The following GSR variants were observed in gnomAD, a reference collection of about 807,000 sequenced individuals.
GSR encodes the protein glutathione-disulfide reductase.
A neutral mutation model predicts 56.5 loss-of-function variants in GSR; 48 were observed. The ratio of observed to expected loss-of-function variants is 0.85; its 90% CI spans 0.67 to 1.08. The LOEUF is 1.08. Among genes scored for constraint, GSR ranks in the 50% least tolerant of loss-of-function variants. The pLI is 0.00. For missense variants in GSR, 694 were observed against 703.3 expected, an observed-to-expected ratio of 0.99 and a Z score of 0.15; for synonymous variants, 264 against 270.8, an observed-to-expected ratio of 0.97 and a Z score of 0.25.
intron 6 of GSR, among the ~76,000 whole-genome samples, chr8:30,698,864 T>TCC (rs8190982): frequency 0.35 from 52,454 of 152,026 alleles, 9,401 homozygotes; most frequent in East Asian, 0.43. Flanking sequence ...ATTGGGTCCC[T>TCC]CCACCTGTTT....
intron 9 of GSR, among the ~76,000 whole-genome samples, chr8:30,688,706 C>T (rs1268703960): frequency 6.6e-6 from 1 of 151,210 alleles, no homozygotes; most frequent in East Asian, 1.9e-4. Flanking sequence ...GGGCGAATCG[C>T]TTGAGCCGAG....
At chr8:30,726,582 G>A (rs572091817) in intron 1 of GSR, among the ~76,000 whole-genome samples, 1 of 152,164 alleles carries the variant, frequency 6.6e-6, no homozygotes, top group Middle Eastern at 3.4e-3. Context: ...AACATAGCGA[G>A]ACCCCCATCT....
chr8:30,681,943 C>T lies in GSR; in HGVS notation c.1272G>A (p.Val424=). The change falls in exon 11 of 13, where the codon GTG becomes GTA. Residue 424 remains valine (V), a synonymous_variant. Coordinates refer to ENST00000221130, the MANE Select transcript of GSR (RefSeq NM_000637.5). ...VVFSHPPIGT[V]GLTEDEAIHK... ...TTAAATACCTACCTTCCGTGAGTCC[C>T]ACTGTCCCAATAGGGGGGTGGCTGA... The T allele has an allele frequency of 6.2e-7, 1 of 1,613,860 alleles. No homozygotes were observed. Among genetic ancestry groups the T allele is most frequent in the Non-Finnish European group, 8.5e-7 (1 of 1,179,760 alleles).
intron 8 of GSR, among the ~76,000 whole-genome samples, chr8:30,691,547 GGT>G (rs1172007829): frequency 6.6e-6 from 1 of 151,234 alleles, no homozygotes; most frequent in Non-Finnish European, 1.5e-5. Context: ...CAGGCATGGT[GGT>G]GCGTGACTGT....
chr8:30,701,733 C>T (rs376534189), intron 5 of GSR, among the ~76,000 whole-genome samples: 15 of 142,140 alleles, frequency 1.1e-4, no homozygotes, highest in African/African-American at 4.0e-4. Flanking sequence ...GCAGAGGTTC[C>T]AGTGAGTGGA....
Position 30,684,181 on chromosome 8 carries a change from T to C in GSR, c.1060A>G (p.Lys354Glu), listed in dbSNP as rs1327650371. The C allele has an allele frequency of 3.7e-6, 6 of 1,600,884 alleles. No individual in the cohort carries two copies. The East Asian group carries it at 1.3e-4, about 36-fold the overall frequency. ...LNKLGIQTDD[K>E]GHIIVDEFQN... ...AATTCGTCTACGATGATATGACCCT[T>C]GTCATCGGTTTGAATCCCCTAAAAT... Residue 354 changes from lysine (K) to glutamate (E), a missense_variant, in exon 10 of 13, where the codon AAG (lysine) becomes GAG (glutamate). Lys to Glu is a moderately conservative substitution (Grantham distance 56, BLOSUM62 1). Transcript: ENST00000221130.
intron 1 of GSR, among the ~76,000 whole-genome samples, chr8:30,722,078 C>T (rs1174314347): frequency 6.6e-6 from 1 of 151,900 alleles, no homozygotes; most frequent in Non-Finnish European, 1.5e-5. Flanking sequence ...AAATAGACAC[C>T]CTGAAGGATT....
rs1015577124 is a variant in GSR, at chr8:30,724,536, C to A, written c.306+2994G>T. Among the ~76,000 whole-genome samples, 18 of 143,336 alleles carry A rather than the reference C, an allele frequency of 1.3e-4. No homozygotes were observed. In the Admixed American group the frequency reaches 1.3e-3, roughly 10 times the overall value. 94.0% of individuals were successfully genotyped at this position (143,336 alleles called of 152,430 possible). On this transcript the variant is annotated intron_variant, in intron 1 of 12. Coordinates refer to ENST00000221130, the MANE Select transcript of GSR (RefSeq NM_000637.5). ...CCGAATGTCAAAGAATACTACCCAA[C>A]CCCCCACCTTTTTTTTTTTTTTTTT...
chr8:30,695,866 C>G (rs1803527241), intron 7 of GSR, among the ~76,000 whole-genome samples: 1 of 151,738 alleles, frequency 6.6e-6, no homozygotes, highest in African/African-American at 2.4e-5. Flanking sequence ...ATGGTGAAAC[C>G]CCATCTCTAC....
intron 7 of GSR, among the ~76,000 whole-genome samples, chr8:30,693,940 T>C (rs771964990): frequency 8.5e-5 from 13 of 152,188 alleles, no homozygotes; most frequent in Admixed American, 3.3e-4. Context: ...CTCTGCAAAG[T>C]AGCCAATTTT....
At chr8:30,719,014 C>T (rs1037490184) in intron 1 of GSR, among the ~76,000 whole-genome samples, 3 of 151,940 alleles carry the variant, frequency 2.0e-5, no homozygotes. Flanking sequence ...ATCACAACCT[C>T]TGCCTCCTGA....
At position 30,679,623 on chromosome 8, in the gene GSR, TGC is replaced by T. The variant is rs1340483083; in HGVS notation, c.1464_1465del (p.Gln489GlyfsTer16). On this transcript the variant is annotated frameshift_variant, in exon 13 of 13. Transcript: ENST00000221130. LOFTEE classifies it high-confidence loss of function. ...CATCTTCACTGCAACAGCAAAACCCTGCAGCATTTCATCACACCCAAGTCCCT... is the reference window on the plus strand; with the variant it reads ...CATCTTCACTGCAACAGCAAAACCCTAGCATTTCATCACACCCAAGTCCCT... The T allele has an allele frequency of 3.1e-6, 5 of 1,613,790 alleles. No individual in the cohort carries two copies. The highest frequency in any genetic ancestry group is 4.2e-6 in the Non-Finnish European group (5 of 1,179,890).
At chr8:30,692,495 CTTTTTTTTTTTT>C (rs71206280) in intron 8 of GSR, among the ~76,000 whole-genome samples, 1 of 59,062 alleles carries the variant, frequency 1.7e-5, no homozygotes, top group Non-Finnish European at 2.8e-5. Context: ...CACACCCAGA[CTTTTTTTTTTTT>C]TTTTTTTTTT....
At chr8:30,689,370 G>A (rs780327372) in intron 8 of GSR, 51 bp from the exon 9 acceptor site, 3 of 1,480,958 alleles carry the variant, frequency 2.0e-6, no homozygotes, top group South Asian at 2.3e-5. Context: ...AGGGAGGACA[G>A]GGGAAGAAGG....
At chr8:30,710,053 C>T (rs1236082774) in intron 2 of GSR, 151 bp from the exon 3 acceptor site, 4 of 640,150 alleles carry the variant, frequency 6.2e-6, no homozygotes, top group East Asian at 5.4e-5. Flanking sequence ...CGGCAGCTCA[C>T]GTCTGTAATC....
chr8:30,698,562 C>T (rs1256575780), intron 6 of GSR, among the ~76,000 whole-genome samples: 2 of 152,174 alleles, frequency 1.3e-5, no homozygotes, highest in African/African-American at 4.8e-5. Flanking sequence ...CCTGCCTGGT[C>T]TGAGGTATCT....
At chr8:30,690,238 C>T (rs1388562389) in intron 8 of GSR, among the ~76,000 whole-genome samples, 1 of 150,948 alleles carries the variant, frequency 6.6e-6, no homozygotes, top group Admixed American at 6.7e-5. Flanking sequence ...AGTGCAGTGG[C>T]AAGATCAGCC....
chr8:30,683,459 G>C (rs1447478899), intron 10 of GSR, among the ~76,000 whole-genome samples: 1 of 152,116 alleles, frequency 6.6e-6, no homozygotes, highest in Non-Finnish European at 1.5e-5. Flanking sequence ...GGATGCCGGA[G>C]AGAAGGAAAT....
rs977185964 is a variant in GSR, at chr8:30,727,800, C to G, written c.36G>C (p.Ala12=). ...ALLPRALSAG[A]GPSWRRAARA... ...GCGCCGCCCGCCGCCAGCTCGGTCC[C>G]GCGCCGGCGCTCAGGGCTCGGGGCA... Residue 12 remains alanine (A), a synonymous_variant, in exon 1 of 13, where the codon GCG becomes GCC. Coordinates refer to ENST00000221130, the MANE Select transcript of GSR (RefSeq NM_000637.5). 12 of 1,314,990 alleles carry G rather than the reference C, an allele frequency of 9.1e-6. No individual in the cohort carries two copies. Among genetic ancestry groups the G allele is most frequent in the African/African-American group, 4.6e-5 (3 of 64,568 alleles). The allele number at this position is 1,314,990 out of a possible 1,614,324, so 81.5% of individuals were successfully genotyped here.
Sources: gnomAD v4.1 joint callset for allele counts (sites outside exome capture counted in the v4.1 genomes callset) on GRCh38, gnomAD v4.1.1 for gene constraint, MANE v1.5 for transcripts, NCBI Gene and HGNC (gene_info 2026-07-23, HGNC 2026-07-21) for gene names.